Variants in MAZ observed in about 807,000 individuals in gnomAD.
MAZ encodes myc-associated zinc finger protein.
In MAZ, 4 loss-of-function variants were observed where a neutral mutation model predicts 32.7. The ratio of observed to expected loss-of-function variants is 0.12; its 90% CI spans 0.06 to 0.28. The LOEUF (loss-of-function observed/expected upper bound fraction) is 0.28. MAZ is among the 10% of genes least tolerant of loss of function. The pLI is 1.00. For missense variants in MAZ, 763 were observed against 667.2 expected (o/e 1.14, Z -1.58); for synonymous variants, 510 against 297.6 (o/e 1.71, Z -7.35).
intron 1 of MAZ, 31 bp from the exon 2 acceptor site, chr16:29,806,947 C>T (rs1219183803): frequency 5.3e-6 from 6 of 1,136,548 alleles, no homozygotes; most frequent in South Asian, 2.7e-5. Context: ...CCGCCCGCAC[C>T]CGCGGCCCAC....
Position 29,810,723 on chromosome 16 carries a change from A to C in MAZ, c.*492A>C. 2.4e-6 allele frequency: 1 copy of C among 414,400 alleles called. No homozygotes were observed. The highest frequency in any genetic ancestry group is 4.5e-6 in the Non-Finnish European group (1 of 221,888). 25.7% of individuals were successfully genotyped at this position (414,400 alleles called of 1,614,324 possible). A position where few individuals can be genotyped will look rare whatever the true frequency, so the allele number is the denominator to read the frequency against. ...AGGAGGGGGATCAGAGCTGTCCCAA[A>C]GAGGGAAAGCGGTGAGGTTTGAGGA... On this transcript the variant is annotated 3_prime_UTR_variant, in exon 5 of 5. Coordinates refer to ENST00000322945, the MANE Select transcript of MAZ (RefSeq NM_002383.4).
Position 29,808,714 on chromosome 16 carries a change from C to T in MAZ, c.1252C>T (p.His418Tyr), listed in dbSNP as rs749310164. Residue 418 changes from histidine (H) to tyrosine (Y), a missense_variant, in exon 4 of 5, where the codon CAC (histidine) becomes TAC (tyrosine). By Grantham distance (83) the His-to-Tyr change is moderately conservative. Transcript: ENST00000322945. Reference protein sequence around the residue: ...DHMKVHSQGPHHVCELCNKGT... With the variant: ...DHMKVHSQGPYHVCELCNKGT... ...CATGAAGGTGCACAGCCAGGGTCCTCACCATGTCTGTGAGCTCTGCAACAA... is the reference window on the plus strand; with the variant it reads ...CATGAAGGTGCACAGCCAGGGTCCTTACCATGTCTGTGAGCTCTGCAACAA... 6 of 1,613,940 alleles carry T rather than the reference C, an allele frequency of 3.7e-6. No individual in the cohort carries two copies. Among genetic ancestry groups the T allele is most frequent in the East Asian group, 2.2e-5 (1 of 44,866 alleles).
At chr16:29,806,450 GCCCCGC>G (rs1329254290), upstream of MAZ, 1 of 134,892 alleles carries the variant, frequency 7.4e-6, no homozygotes, top group East Asian at 2.6e-4. Context: ...CCCGGCCCCG[GCCCCGC>G]GGGGCCTCCC....
At chr16:29,808,023 G>A (rs1899634506) in intron 2 of MAZ, 195 bp downstream of exon 2, 3 of 1,169,348 alleles carry the variant, frequency 2.6e-6, no homozygotes, top group Non-Finnish European at 3.6e-6. Flanking sequence ...GGTGGGCCTT[G>A]GGGTTGACGG....
chr16:29,809,692 G>C (rs374008621), intron 4 of MAZ: 1 of 1,521,300 alleles, frequency 6.6e-7, no homozygotes, highest in South Asian at 1.2e-5. Context: ...TCTGGGGGGG[G>C]CCGCCCCCCC....
In MAZ at chr16:29,807,349, G is replaced by GC. The variant is rs1899571381; in HGVS notation, c.567dup (p.Tyr190LeufsTer141). 1 of 1,611,888 alleles carries GC rather than the reference G, an allele frequency of 6.2e-7. No individual in the cohort carries two copies. The highest frequency in any genetic ancestry group is 1.7e-5 in the Admixed American group (1 of 59,952). On this transcript the variant is annotated frameshift_variant, in exon 2 of 5. Coordinates refer to ENST00000322945, the MANE Select transcript of MAZ (RefSeq NM_002383.4). LOFTEE classifies it high-confidence loss of function. ...TGGAGAAGAAGACAAAGAGCAAGGG[G>GC]CCCTACATCTGCGCTCTGTGCGCCA...
Position 29,810,249 on chromosome 16 carries a change from G to A in MAZ, c.*18G>A. ...CCTGGTGAGCTCCAAGTTGGTTGCG[G>A]GGGAGAGGGGAGAATGGAGTAGAGT... On this transcript the variant is annotated 3_prime_UTR_variant, in exon 5 of 5. Transcript: ENST00000322945. The A allele has an allele frequency of 6.4e-7, 1 of 1,566,656 alleles. No individual in the cohort carries two copies. Among genetic ancestry groups the A allele is most frequent in the Non-Finnish European group, 8.7e-7 (1 of 1,155,554 alleles).
In MAZ at chr16:29,810,714, C is replaced by T; in HGVS notation, c.*483C>T. On this transcript the variant is annotated 3_prime_UTR_variant, in exon 5 of 5. Transcript: ENST00000322945. ...AGGAGAGGAAGGAGGGGGATCAGAG[C>T]TGTCCCAAAGAGGGAAAGCGGTGAG... 2.3e-6 allele frequency: 1 copy of T among 434,816 alleles called. No homozygotes were observed. Among genetic ancestry groups the T allele is most frequent in the Non-Finnish European group, 4.3e-6 (1 of 234,744 alleles). 26.9% of individuals were successfully genotyped at this position (434,816 alleles called of 1,614,324 possible).
In MAZ at chr16:29,808,656, C is replaced by A; in HGVS notation, c.1194C>A (p.Gly398=). Residue 398 remains glycine, a synonymous_variant, in exon 4 of 5, where the codon GGC becomes GGA. Coordinates refer to ENST00000322945, the MANE Select transcript of MAZ (RefSeq NM_002383.4). The stretch of plus-strand genomic sequence containing the variant: ...AGAAAGTGCCATGTCACGTGTGTGG[C>A]AAGATGCTGAGCTCGGCTTATATTT... ...HEEKVPCHVC[G]KMLSSAYISD... 1 of 1,613,934 alleles carries A rather than the reference C, an allele frequency of 6.2e-7. No homozygotes were observed. The highest frequency in any genetic ancestry group is 8.5e-7 in the Non-Finnish European group (1 of 1,179,978).
intron 2 of MAZ, 171 bp downstream of exon 2, chr16:29,807,999 T>G (rs1175366901): frequency 4.6e-6 from 6 of 1,306,634 alleles, no homozygotes; most frequent in Admixed American, 2.5e-5. Flanking sequence ...CAAGGGGTGG[T>G]CCTTTGTCGA....
At chr16:29,808,392 T>C in intron 3 of MAZ, 99 bp downstream of exon 3, 2 of 1,231,274 alleles carry the variant, frequency 1.6e-6, no homozygotes, top group Admixed American at 3.7e-5. Context: ...TCTCTCTTCT[T>C]TTTGCCTTTT....
intron 4 of MAZ, 86 bp downstream of exon 4, chr16:29,808,827 C>T: frequency 1.4e-6 from 2 of 1,407,540 alleles, no homozygotes; most frequent in South Asian, 2.6e-5. Context: ...GTTAAGGGTG[C>T]TGTAGCCAAG....
chr16:29,809,992 G>A, intron 4 of MAZ, 85 bp from the exon 5 acceptor site: 3 of 1,538,618 alleles, frequency 1.9e-6, no homozygotes, highest in African/African-American at 1.4e-5. Flanking sequence ...GTGTCCCAGG[G>A]GAAGCAGGCT....
chr16:29,807,995 G>A (rs1304078697), intron 2 of MAZ, 167 bp downstream of exon 2: 3 of 1,317,354 alleles, frequency 2.3e-6, no homozygotes, highest in South Asian at 1.4e-5. Context: ...GGAGCAAGGG[G>A]TGGTCCTTTG....
Position 29,810,108 on chromosome 16 carries a change from A to AGCG in MAZ, c.1314_1316dup (p.Ala448dup), listed in dbSNP as rs751657896. The AGCG allele has an allele frequency of 1.3e-3, 1,944 of 1,542,890 alleles. 14 individuals carry two copies. The Middle Eastern group carries it at 0.023, about 18-fold the overall frequency. ...GTGAGGTTTGTCCAATGGCGGCGGC[A>AGCG]GCGGCAGCGGCGGCAGCGGCAGCAG... On this transcript the variant is annotated inframe_insertion, in exon 5 of 5. Coordinates refer to ENST00000322945, the MANE Select transcript of MAZ (RefSeq NM_002383.4).
At position 29,808,304 on chromosome 16, in the gene MAZ, C is replaced by T. The variant is rs923779785; in HGVS notation, c.1107+11C>T. On this transcript the variant is annotated intron_variant, in intron 3 of 4. Transcript: ENST00000322945. ...CCCTTCAAATGTGAGGTAGGAAGCC[C>T]GCCTCCTCCTGTCTTGGTTTTCATG... 7 of 1,611,990 alleles carry T rather than the reference C, an allele frequency of 4.3e-6. No homozygotes were observed. The highest frequency in any genetic ancestry group is 2.7e-5 in the African/African-American group (2 of 74,814).
At position 29,808,119 on chromosome 16, in the gene MAZ, G is replaced by T. The variant is rs764962059; in HGVS notation, c.1044-111G>T. On this transcript the variant is annotated intron_variant, in intron 2 of 4. Transcript: ENST00000322945. Reference sequence around the variant, plus strand: ...TTTCCTGCTTAAGTGTCGCTGTGACGGCCTGGGCTCCGGGAGGAGGCGCAG... The same window carrying T: ...TTTCCTGCTTAAGTGTCGCTGTGACTGCCTGGGCTCCGGGAGGAGGCGCAG... 7 of 1,088,966 alleles carry T rather than the reference G, an allele frequency of 6.4e-6. No individual in the cohort carries two copies. In the African/African-American group the frequency reaches 9.4e-5, roughly 15 times the overall value. The allele number at this position is 1,088,966 out of a possible 1,614,324, so 67.5% of individuals were successfully genotyped here. A position where few individuals can be genotyped will look rare whatever the true frequency, so the allele number is the denominator to read the frequency against.
intron 4 of MAZ, 64 bp downstream of exon 4, chr16:29,808,805 C>T (rs942965006): frequency 1.4e-5 from 21 of 1,531,822 alleles, no homozygotes; most frequent in Admixed American, 3.7e-5. Flanking sequence ...AGACGCCTTG[C>T]CACGGATACG....
chr16:29,809,716 GC>G, intron 4 of MAZ: 10 of 1,470,338 alleles, frequency 6.8e-6, no homozygotes, highest in East Asian at 2.5e-5. Context: ...CCCGGGAGAC[GC>G]CCCCCAGCCA....
Sources: allele counts gnomAD v4.1 joint callset, GRCh38; gene constraint gnomAD v4.1.1; transcripts MANE v1.5; gene names NCBI Gene and HGNC (gene_info 2026-07-23, HGNC 2026-07-21).